The following GRID2 variants were observed in gnomAD, a reference collection of about 807,000 sequenced individuals.
The protein encoded by GRID2 is glutamate ionotropic receptor delta type subunit 2, also known as glutamate receptor ionotropic, delta-2.
A neutral mutation model predicts 114.8 loss-of-function variants in GRID2; 33 were observed. That is an observed-to-expected ratio of 0.29 (90% CI 0.22 to 0.38). The LOEUF (loss-of-function observed/expected upper bound fraction) is 0.38, where lower values mean the gene tolerates loss of function less well. GRID2 is among the 10% of genes least tolerant of loss of function. The pLI is 1.00. For missense variants in GRID2, 1,184 were observed against 1,257.7 expected, an observed-to-expected ratio of 0.94 and a Z score of 0.89; for synonymous variants, 505 against 449.9, an observed-to-expected ratio of 1.12 and a Z score of -1.55.
chr4:92,713,075 C>T (rs1579897242), intron 2 of GRID2, among the ~76,000 whole-genome samples: 1 of 151,288 alleles, frequency 6.6e-6, no homozygotes, highest in Non-Finnish European at 1.5e-5. Context: ...ATACATGTGC[C>T]ATGTTGGTGT....
At chr4:93,632,169 C>G (rs1720964076) in intron 14 of GRID2, among the ~76,000 whole-genome samples, 1 of 152,102 alleles carries the variant, frequency 6.6e-6, no homozygotes, top group African/African-American at 2.4e-5. Context: ...TGTAGGTTGC[C>G]TGTTCACTCT....
intron 1 of GRID2, among the ~76,000 whole-genome samples, chr4:92,320,574 C>G (rs1579174698): frequency 6.6e-6 from 1 of 151,880 alleles, no homozygotes; most frequent in Admixed American, 6.6e-5. Flanking sequence ...TCCCAGGTTC[C>G]AGTGATTCTC....
intron 13 of GRID2, among the ~76,000 whole-genome samples, chr4:93,576,493 C>T (rs1736437238): frequency 6.6e-6 from 1 of 152,118 alleles, no homozygotes; most frequent in African/African-American, 2.4e-5. Flanking sequence ...TTTGCAAACA[C>T]TATTTTAATT....
At chr4:93,420,731 C>CTTAT (rs36041449) in intron 9 of GRID2, among the ~76,000 whole-genome samples, 40,439 of 145,970 alleles carry the variant, frequency 0.28, 5,774 homozygotes, top group African/African-American at 0.3. Context: ...ATTATTTTTA[C>CTTAT]TTATTTATTT....
At chr4:93,590,231 A>G (rs1738062812) in intron 13 of GRID2, among the ~76,000 whole-genome samples, 1 of 150,530 alleles carries the variant, frequency 6.6e-6, no homozygotes, top group African/African-American at 2.4e-5. Context: ...TGATTTTTGT[A>G]TAAGGCGTAA....
chr4:93,540,922 G>A (rs1732589784), intron 13 of GRID2, among the ~76,000 whole-genome samples: 1 of 152,086 alleles, frequency 6.6e-6, no homozygotes, highest in Non-Finnish European at 1.5e-5. Context: ...AGAAAGTGAG[G>A]CCCTTTCTTA....
intron 13 of GRID2, among the ~76,000 whole-genome samples, chr4:93,594,817 C>G (rs1318107550): frequency 6.6e-6 from 1 of 152,166 alleles, no homozygotes; most frequent in Non-Finnish European, 1.5e-5. Flanking sequence ...CCCGATTTTC[C>G]AGGTGCCGTC....
chr4:92,485,933 G>A (rs1018702780), intron 1 of GRID2, among the ~76,000 whole-genome samples: 2 of 151,790 alleles, frequency 1.3e-5, no homozygotes, highest in African/African-American at 2.4e-5. Flanking sequence ...GAAATAATGA[G>A]TATAGTGAAA....
intron 8 of GRID2, among the ~76,000 whole-genome samples, chr4:93,335,690 C>CT (rs1260109158): frequency 7.5e-5 from 8 of 106,776 alleles, no homozygotes; most frequent in Non-Finnish European, 1.1e-4. Context: ...TTTCTTTCTT[C>CT]TTTCTTTTTT....
chr4:92,793,403 G>A (rs1400369052), intron 2 of GRID2, among the ~76,000 whole-genome samples: 2 of 151,692 alleles, frequency 1.3e-5, no homozygotes, highest in African/African-American at 2.4e-5. Context: ...AGGGTGGAGG[G>A]TCGGAACAGG....
chr4:93,701,180 A>G (rs1477397517), intron 14 of GRID2, among the ~76,000 whole-genome samples: 2 of 152,174 alleles, frequency 1.3e-5, no homozygotes, highest in Non-Finnish European at 2.9e-5. Context: ...ATATTGAGCA[A>G]TCATATCACA....
intron 8 of GRID2, among the ~76,000 whole-genome samples, chr4:93,275,687 C>T (rs930134953): frequency 6.6e-6 from 1 of 151,756 alleles, no homozygotes; most frequent in Non-Finnish European, 1.5e-5. Flanking sequence ...GGTGATATCT[C>T]ATTATGTTTT....
At chr4:93,355,578 T>A (rs184588737) in intron 8 of GRID2, among the ~76,000 whole-genome samples, 73 of 152,072 alleles carry the variant, frequency 4.8e-4, no homozygotes, top group Admixed American at 9.2e-4. Flanking sequence ...ATTTCTGCTA[T>A]GTCCTCTTAG....
At chr4:93,068,552 A>G (rs1015144728) in intron 2 of GRID2, among the ~76,000 whole-genome samples, 2 of 152,216 alleles carry the variant, frequency 1.3e-5, no homozygotes, top group East Asian at 3.9e-4. Context: ...AGATGTAATC[A>G]ATTATACAAG....
At chr4:93,138,348 T>G (rs1005249245) in intron 4 of GRID2, among the ~76,000 whole-genome samples, 22 of 152,136 alleles carry the variant, frequency 1.4e-4, no homozygotes, top group Non-Finnish European at 3.1e-4. Flanking sequence ...TCTACACACC[T>G]AAGAATATTA....
intron 1 of GRID2, among the ~76,000 whole-genome samples, chr4:92,305,243 G>A (rs2110099782): frequency 6.6e-6 from 1 of 152,224 alleles, no homozygotes; most frequent in Admixed American, 6.5e-5. Flanking sequence ...TGAGTTCGCC[G>A]CAGCTTAGTG....
intron 1 of GRID2, among the ~76,000 whole-genome samples, chr4:92,465,864 TAAAC>T (rs1006076746): frequency 6.6e-6 from 1 of 151,926 alleles, no homozygotes; most frequent in African/African-American, 2.4e-5. Context: ...GATGTGGTAA[TAAAC>T]AAACAAAATT....
At chr4:93,536,236 C>A (rs1356502171) in intron 13 of GRID2, among the ~76,000 whole-genome samples, 3 of 151,826 alleles carry the variant, frequency 2.0e-5, no homozygotes, top group Non-Finnish European at 4.4e-5. Context: ...CGAAAGACTA[C>A]AAATAGCCAA....
chr4:92,655,850 C>A (rs894603976), intron 2 of GRID2, among the ~76,000 whole-genome samples: 1 of 151,532 alleles, frequency 6.6e-6, no homozygotes, highest in Non-Finnish European at 1.5e-5. Flanking sequence ...ATTGTGTTTT[C>A]TTTTTTCTTT....
Sources: gnomAD v4.1 joint callset for allele counts (sites outside exome capture counted in the v4.1 genomes callset) on GRCh38, gnomAD v4.1.1 for gene constraint, MANE v1.5 for transcripts, NCBI Gene and HGNC (gene_info 2026-07-23, HGNC 2026-07-21) for gene names.